ERC1: variants seen among roughly 807,000 people sequenced by gnomAD.
ERC1 encodes the protein ELKS/RAB6-interacting/CAST family member 1.
A neutral mutation model predicts 132.0 loss-of-function variants in ERC1; 56 were observed. That is an observed-to-expected ratio of 0.42 (90% CI 0.34 to 0.53). The LOEUF (loss-of-function observed/expected upper bound fraction) is 0.53, where lower values mean the gene tolerates loss of function less well. Among genes scored for constraint, ERC1 ranks in the 20% least tolerant of loss-of-function variants. The pLI is 0.03. For missense variants in ERC1, 1,202 were observed against 1,349.9 expected, an observed-to-expected ratio of 0.89 and a Z score of 1.72; for synonymous variants, 478 against 476.1, an observed-to-expected ratio of 1.00 and a Z score of -0.05.
chr12:1,404,315 ATTCAT>A (rs1375739548), intron 16 of ERC1, among the ~76,000 whole-genome samples: 1 of 151,748 alleles, frequency 6.6e-6, no homozygotes, highest in African/African-American at 2.4e-5. Context: ...TTATTTATTC[ATTCAT>A]TTATTTACTC....
Position 1,424,840 on chromosome 12 carries a change from TA to T in ERC1, c.3024+16594del, listed in dbSNP as rs1277396236. Among the ~76,000 whole-genome samples the T allele has an allele frequency of 6.4e-3, 744 of 115,354 alleles. 9 individuals carry two copies. The highest frequency in any genetic ancestry group is 0.014 in the African/African-American group (376 of 26,444). The allele number at this position is 115,354 out of a possible 152,430, so 75.7% of individuals were successfully genotyped here. ...ATAGATAGATAGATAGATAGATAGA[TA>T]GATGATAGATAGATAGATAGATCGA... is the stretch of plus-strand genomic sequence containing the variant. On this transcript the variant is annotated intron_variant, in intron 17 of 18. Coordinates refer to ENST00000360905, the MANE Select transcript of ERC1 (RefSeq NM_178040.4).
intron 1 of ERC1, among the ~76,000 whole-genome samples, chr12:1,020,084 T>G (rs777096310): frequency 6.6e-6 from 1 of 152,114 alleles, no homozygotes; most frequent in Non-Finnish European, 1.5e-5. Context: ...TGATCCAATA[T>G]GCGCACTTTA....
intron 12 of ERC1, among the ~76,000 whole-genome samples, chr12:1,203,270 C>T (rs1423470880): frequency 6.6e-6 from 1 of 152,116 alleles, no homozygotes; most frequent in African/African-American, 2.4e-5. Flanking sequence ...GTTGGCTAGG[C>T]TGGTCTCAAA....
chr12:1,392,403 A>G (rs1042554095), intron 16 of ERC1, among the ~76,000 whole-genome samples: 1 of 152,258 alleles, frequency 6.6e-6, no homozygotes, highest in Admixed American at 6.5e-5. Context: ...TTCTGGGCTT[A>G]GATATCTAAG....
At chr12:1,429,593 C>T (rs1001266044) in intron 17 of ERC1, among the ~76,000 whole-genome samples, 1 of 152,048 alleles carries the variant, frequency 6.6e-6, no homozygotes, top group Non-Finnish European at 1.5e-5. Flanking sequence ...GCATTAGGTA[C>T]GTGGTAAAAA....
At chr12:1,345,690 T>C (rs1193016826) in intron 15 of ERC1, among the ~76,000 whole-genome samples, 1 of 152,220 alleles carries the variant, frequency 6.6e-6, no homozygotes, top group African/African-American at 2.4e-5. Context: ...TTTACCAAGG[T>C]TTATAATATT....
At chr12:1,485,878 A>G (rs562761382) in intron 18 of ERC1, among the ~76,000 whole-genome samples, 4 of 152,234 alleles carry the variant, frequency 2.6e-5, no homozygotes, top group Non-Finnish European at 5.9e-5. Context: ...ATTATAAAAA[A>G]TATGCTCTTA....
At chr12:1,012,538 T>A (rs1275878566) in intron 1 of ERC1, among the ~76,000 whole-genome samples, 1 of 150,014 alleles carries the variant, frequency 6.7e-6, no homozygotes, top group Non-Finnish European at 1.5e-5. Flanking sequence ...TGTGGCGTGA[T>A]CTTGGCTCCC....
At chr12:1,148,048 A>C (rs1441050327) in intron 8 of ERC1, among the ~76,000 whole-genome samples, 1 of 152,214 alleles carries the variant, frequency 6.6e-6, no homozygotes, top group Admixed American at 6.5e-5. Flanking sequence ...CTTTCAGATC[A>C]TGAGAACATG....
At chr12:1,026,239 A>G (rs1367679597) in intron 1 of ERC1, among the ~76,000 whole-genome samples, 2 of 152,150 alleles carry the variant, frequency 1.3e-5, no homozygotes, top group Non-Finnish European at 2.9e-5. Flanking sequence ...TTATAAAACT[A>G]TCAGATCCCA....
At position 1,467,493 on chromosome 12, in the gene ERC1, T is replaced by G. The variant is rs908738062; in HGVS notation, c.3214-22600T>G. Among the ~76,000 whole-genome samples, 4 of 152,164 alleles carry G rather than the reference T, an allele frequency of 2.6e-5. No individual in the cohort carries two copies. The East Asian group carries it at 7.7e-4, about 29-fold the overall frequency. On this transcript the variant is annotated intron_variant, in intron 18 of 18. Coordinates refer to ENST00000360905, the MANE Select transcript of ERC1 (RefSeq NM_178040.4). ...ATCCCAGGCCTGATGATTGAGCATC[T>G]TTATTCTTAGGATTCTCCAACTTTA...
intron 1 of ERC1, among the ~76,000 whole-genome samples, chr12:1,013,704 C>G (rs962342196): frequency 9.2e-5 from 14 of 152,058 alleles, no homozygotes; most frequent in African/African-American, 2.7e-4. Context: ...CCTTCATTAA[C>G]TTGTAGATTT....
chr12:1,057,402 A>G (rs1044722836), intron 2 of ERC1, among the ~76,000 whole-genome samples: 13 of 152,144 alleles, frequency 8.5e-5, no homozygotes, highest in African/African-American at 3.1e-4. Flanking sequence ...CTGGGCTTAC[A>G]GGCATGAGCC....
chr12:1,212,883 A>G (rs999766169), intron 12 of ERC1, among the ~76,000 whole-genome samples: 4 of 152,154 alleles, frequency 2.6e-5, no homozygotes, highest in African/African-American at 9.7e-5. Context: ...TCAAAATTGT[A>G]TCCTCAGTGT....
At chr12:1,323,910 C>T (rs2082279245) in intron 15 of ERC1, among the ~76,000 whole-genome samples, 1 of 152,158 alleles carries the variant, frequency 6.6e-6, no homozygotes, top group Admixed American at 6.5e-5. Flanking sequence ...ACCGGAATTT[C>T]GCCTCTGCTA....
rs970151768 is a variant in ERC1, at chr12:1,470,819, C to T, written c.3214-19274C>T. Among the ~76,000 whole-genome samples the T allele has an allele frequency of 2.6e-5, 4 of 152,194 alleles. No homozygotes were observed. The East Asian group carries it at 5.8e-4, about 22-fold the overall frequency. Reference sequence around the variant, plus strand: ...TTGGCCTGATAAAGACTTCCAGAGTCCATCCGTCCATCTCTTGCTTCAGGA... The same window carrying T: ...TTGGCCTGATAAAGACTTCCAGAGTTCATCCGTCCATCTCTTGCTTCAGGA... On this transcript the variant is annotated intron_variant, in intron 18 of 18. Transcript: ENST00000360905.
At chr12:1,368,648 A>G (rs1191959541) in intron 15 of ERC1, among the ~76,000 whole-genome samples, 1 of 152,174 alleles carries the variant, frequency 6.6e-6, no homozygotes, top group African/African-American at 2.4e-5. Flanking sequence ...GTTACTGTCT[A>G]CTAGCTTTCA....
intron 16 of ERC1, among the ~76,000 whole-genome samples, chr12:1,393,645 T>C (rs891973085): frequency 1.4e-4 from 17 of 120,464 alleles, no homozygotes; most frequent in African/African-American, 4.9e-4. Context: ...TGTGTGTGTG[T>C]GTGTAAAGTG....
chr12:1,167,860 G>A (rs1225633502), intron 8 of ERC1, among the ~76,000 whole-genome samples: 1 of 151,830 alleles, frequency 6.6e-6, no homozygotes, highest in Non-Finnish European at 1.5e-5. Flanking sequence ...GGGACTACAG[G>A]CGCGCGCCAC....
Sources: allele counts gnomAD v4.1 joint callset (sites outside exome capture counted in the v4.1 genomes callset), GRCh38; gene constraint gnomAD v4.1.1; transcripts MANE v1.5; gene names NCBI Gene and HGNC (gene_info 2026-07-23, HGNC 2026-07-21).